Variants in IQGAP1 observed in about 807,000 individuals in gnomAD.
The protein encoded by IQGAP1 is ras GTPase-activating-like protein IQGAP1.
IQGAP1 carries 66 observed loss-of-function variants against 215.6 expected under a neutral mutation model. That is an observed-to-expected ratio of 0.31 (90% CI 0.25 to 0.38). IQGAP1 has a LOEUF of 0.38. Ranked by LOEUF, IQGAP1 falls within the 10% of genes least tolerant of loss-of-function variation. IQGAP1 has a pLI of 1.00. For missense variants in IQGAP1, 1,712 were observed against 1,997.1 expected (o/e 0.86, Z 2.72); for synonymous variants, 772 against 728.7 (o/e 1.06, Z -0.96).
chr15:90,475,210 GCTGGTCTTGAAGTC>G (rs1466334443), intron 23 of IQGAP1, among the ~76,000 whole-genome samples: 6 of 151,930 alleles, frequency 3.9e-5, no homozygotes, highest in African/African-American at 7.2e-5. Context: ...TGTTGACCAG[GCTGGTCTTGAAGTC>G]CTGACCTCGG....
chr15:90,441,791 A>G, intron 8 of IQGAP1, 107 bp downstream of exon 8: 1 of 761,466 alleles, frequency 1.3e-6, no homozygotes, highest in Middle Eastern at 3.2e-4. Flanking sequence ...ACATACAACA[A>G]AATTCACCGG....
Position 90,441,562 on chromosome 15 carries a change from A to G in IQGAP1, c.706A>G (p.Thr236Ala). 1 of 1,613,842 alleles carries G rather than the reference A, an allele frequency of 6.2e-7. No individual in the cohort carries two copies. Among genetic ancestry groups the G allele is most frequent in the Non-Finnish European group, 8.5e-7 (1 of 1,179,952 alleles). The change falls in exon 8 of 38, where the codon ACA (threonine) becomes GCA (alanine). Residue 236 changes from threonine (T) to alanine (A), a missense_variant. Transcript: ENST00000268182. ...EAIDRRIPAD[T>A]FAALKNPNAM... ...TATTGACCGTAGAATTCCAGCCGAC[A>G]CATTTGCAGCTTTGAAAAATCCGAA...
At chr15:90,403,386 G>A (rs1472411552) in intron 2 of IQGAP1, among the ~76,000 whole-genome samples, 1 of 152,110 alleles carries the variant, frequency 6.6e-6, no homozygotes, top group African/African-American at 2.4e-5. Flanking sequence ...CCATAGGAAT[G>A]TTTTTTAGAT....
intron 2 of IQGAP1, among the ~76,000 whole-genome samples, chr15:90,420,358 A>C (rs1446769527): frequency 6.6e-6 from 1 of 152,102 alleles, no homozygotes; most frequent in Non-Finnish European, 1.5e-5. Flanking sequence ...GGCCAGTGCT[A>C]CTCACATTAT....
intron 16 of IQGAP1, 73 bp from the exon 17 acceptor site, chr15:90,466,196 A>G (rs763483473): frequency 3.3e-5 from 52 of 1,578,376 alleles, no homozygotes; most frequent in Non-Finnish European, 4.2e-5. Context: ...GCCAGTAGAT[A>G]TAGTTAGGTG....
chr15:90,456,310 G>A lies in IQGAP1; in HGVS notation c.1771G>A (p.Ala591Thr). The A allele has an allele frequency of 6.2e-7, 1 of 1,613,936 alleles. No individual in the cohort carries two copies. The highest frequency in any genetic ancestry group is 8.5e-7 in the Non-Finnish European group (1 of 1,179,912). The change falls in exon 15 of 38, where the codon GCC becomes ACC. Residue 591 changes from alanine to threonine, a missense_variant. Coordinates refer to ENST00000268182, the MANE Select transcript of IQGAP1 (RefSeq NM_003870.4). The stretch of plus-strand genomic sequence containing the variant: ...GCTGATTAGAGCGAAGAGAGAGAAA[G>A]CCCAGGTGAGTGGCATCGGAATTGT... ...DTLIRAKREK[A>T]QEIQDESAVL...
intron 3 of IQGAP1, among the ~76,000 whole-genome samples, chr15:90,428,317 T>C (rs1259116677): frequency 3.3e-5 from 5 of 152,044 alleles, no homozygotes; most frequent in Non-Finnish European, 7.4e-5. Context: ...GCTTAAGTTA[T>C]CCTCCCACCT....
intron 37 of IQGAP1, among the ~76,000 whole-genome samples, chr15:90,497,743 A>C (rs1364514543): frequency 6.6e-6 from 1 of 152,228 alleles, no homozygotes; most frequent in Non-Finnish European, 1.5e-5. Flanking sequence ...GTGTGTGTAA[A>C]GTTTATGTTT....
intron 2 of IQGAP1, among the ~76,000 whole-genome samples, chr15:90,406,682 G>C (rs1964883046): frequency 6.6e-6 from 1 of 152,228 alleles, no homozygotes. Context: ...TAGGGCGTCA[G>C]TGATGTGTCA....
chr15:90,449,353 T>C (rs921648717), intron 10 of IQGAP1, among the ~76,000 whole-genome samples: 2 of 152,216 alleles, frequency 1.3e-5, no homozygotes, highest in African/African-American at 4.8e-5. Context: ...AAGAATGTAC[T>C]GGTATCTGTA....
intron 8 of IQGAP1, among the ~76,000 whole-genome samples, chr15:90,442,570 T>A (rs1384530458): frequency 6.6e-6 from 1 of 152,168 alleles, no homozygotes; most frequent in Non-Finnish European, 1.5e-5. Context: ...AGCAGGGATT[T>A]CAGTTTCCCA....
intron 2 of IQGAP1, among the ~76,000 whole-genome samples, chr15:90,411,011 G>T (rs960894003): frequency 6.6e-6 from 1 of 151,992 alleles, no homozygotes; most frequent in African/African-American, 2.4e-5. Flanking sequence ...TTCAATTCAT[G>T]GAGTTTTCTT....
At chr15:90,414,570 C>T (rs1002346122) in intron 2 of IQGAP1, among the ~76,000 whole-genome samples, 4 of 152,038 alleles carry the variant, frequency 2.6e-5, no homozygotes, top group Admixed American at 6.6e-5. Flanking sequence ...TTTTTCCTTC[C>T]GTGATTGCCA....
At chr15:90,459,997 A>G (rs1965738950) in intron 15 of IQGAP1, among the ~76,000 whole-genome samples, 3 of 151,962 alleles carry the variant, frequency 2.0e-5, no homozygotes, top group Admixed American at 2.0e-4. Context: ...CAGTGAGGCC[A>G]CGTGGTCCGG....
chr15:90,473,186 G>A, intron 19 of IQGAP1, 176 bp downstream of exon 19: 1 of 601,256 alleles, frequency 1.7e-6, no homozygotes, highest in Non-Finnish European at 2.9e-6. Flanking sequence ...GTGCCTACAG[G>A]TGTTTAATGC....
intron 30 of IQGAP1, among the ~76,000 whole-genome samples, chr15:90,485,477 T>C (rs1007720573): frequency 1.3e-5 from 2 of 152,172 alleles, no homozygotes. Context: ...TCTTGCTCTG[T>C]CACTCAGGCT....
Position 90,463,859 on chromosome 15 carries a change from A to G in IQGAP1, c.1777-2142A>G, listed in dbSNP as rs1042247338. On this transcript the variant is annotated intron_variant, in intron 15 of 37. Coordinates refer to ENST00000268182, the MANE Select transcript of IQGAP1 (RefSeq NM_003870.4). ...ATTTCAGATGCTTTCCTTTGGCCTT[A>G]TCCTGTCACCTGCACTCTTTATAAA... 2.0e-5 allele frequency among the ~76,000 whole-genome samples: 3 copies of G among 152,206 alleles called. 1 individual carries two copies. The East Asian group carries it at 5.8e-4, about 29-fold the overall frequency.
At chr15:90,487,353 C>T in intron 32 of IQGAP1, 142 bp from the exon 33 acceptor site, 1 of 677,260 alleles carries the variant, frequency 1.5e-6, no homozygotes, top group Non-Finnish European at 2.6e-6. Context: ...AAGCCTTGTG[C>T]CTTGAGTACT....
In IQGAP1 at chr15:90,402,980, GT is replaced by G. The variant is rs576679235; in HGVS notation, c.155+12114del. Among the ~76,000 whole-genome samples the G allele has an allele frequency of 8.3e-3, 1,256 of 152,166 alleles. 10 individuals are homozygous for G. The highest frequency in any genetic ancestry group is 0.013 in the Non-Finnish European group (850 of 67,988). On this transcript the variant is annotated intron_variant, in intron 2 of 37. Coordinates refer to ENST00000268182, the MANE Select transcript of IQGAP1 (RefSeq NM_003870.4). ...ATTTAAATGACTATTATAACAAAAT[GT>G]TTTTTTGGGCTGGGCCCTGTGATTC...
Sources: gnomAD v4.1 joint callset for allele counts (sites outside exome capture counted in the v4.1 genomes callset) on GRCh38, gnomAD v4.1.1 for gene constraint, MANE v1.5 for transcripts, NCBI Gene and HGNC (gene_info 2026-07-23, HGNC 2026-07-21) for gene names.